Variants in ZNF536 observed in about 807,000 individuals in gnomAD.
ZNF536 encodes zinc finger protein 536.
A neutral mutation model predicts 84.5 loss-of-function variants in ZNF536; 13 were observed. The ratio of observed to expected loss-of-function variants is 0.15; its 90% CI spans 0.10 to 0.24. ZNF536 has a LOEUF of 0.24. Among genes scored for constraint, ZNF536 ranks in the 10% least tolerant of loss-of-function variants. The probability of loss-of-function intolerance (pLI) is 1.00; values close to 1 mark genes in which losing one functional copy is unlikely to be tolerated. For missense variants in ZNF536, 1,536 were observed against 1,747.5 expected, an observed-to-expected ratio of 0.88 and a Z score of 2.16; for synonymous variants, 811 against 742.5, an observed-to-expected ratio of 1.09 and a Z score of -1.50.
chr19:30,634,206 G>C lies in ZNF536; in HGVS notation c.170-76551G>C, dbSNP rs149563738. ...AGGTCCCATTGGCTTAAGGCGCGGT[G>C]CTGGCTTTCTCCGATTGTTGTGCCG... On this transcript the variant is annotated intron_variant, in intron 1 of 1. Transcript: ENST00000592773. Among the ~76,000 whole-genome samples, 754 of 152,278 alleles carry C rather than the reference G, an allele frequency of 5.0e-3. 1 individual carries two copies. Among genetic ancestry groups the C allele is most frequent in the Non-Finnish European group, 7.2e-3 (491 of 68,028 alleles).
intron 2 of ZNF536, among the ~76,000 whole-genome samples, chr19:30,511,866 GC>G (rs1222448989): frequency 1.3e-5 from 2 of 152,060 alleles, no homozygotes; most frequent in Admixed American, 1.3e-4. Flanking sequence ...ATTAAACAAA[GC>G]TTTTAGAGGG....
intron 1 of ZNF536, among the ~76,000 whole-genome samples, chr19:30,282,398 C>T (rs1244497117): frequency 7.4e-6 from 1 of 135,708 alleles, no homozygotes; most frequent in Non-Finnish European, 1.8e-5. Context: ...GTGCCCATCA[C>T]TGCCCCGGTG....
At chr19:30,460,607 A>T (rs1568454057) in intron 2 of ZNF536, among the ~76,000 whole-genome samples, 1 of 152,128 alleles carries the variant, frequency 6.6e-6, no homozygotes, top group Non-Finnish European at 1.5e-5. Flanking sequence ...ACTGAGTCTC[A>T]TCTCAGCTAG....
chr19:30,677,403 C>T (rs1445502083), intron 1 of ZNF536, among the ~76,000 whole-genome samples: 2 of 152,250 alleles, frequency 1.3e-5, no homozygotes, highest in Non-Finnish European at 2.9e-5. Context: ...GCTATTGATG[C>T]ATCTGCAGAG....
intron 3 of ZNF536, among the ~76,000 whole-genome samples, chr19:30,546,216 C>T (rs1218573432): frequency 1.3e-5 from 2 of 152,212 alleles, no homozygotes; most frequent in African/African-American, 4.8e-5. Flanking sequence ...CTGAGTCTAA[C>T]CTGGGACTGA....
intron 2 of ZNF536, among the ~76,000 whole-genome samples, chr19:30,496,198 C>T (rs1468068264): frequency 1.3e-5 from 2 of 152,074 alleles, no homozygotes; most frequent in African/African-American, 4.8e-5. Context: ...ATGCAATGAT[C>T]CTGGGCCATC....
At chr19:30,598,142 G>C (rs2047534050) in intron 1 of ZNF536, among the ~76,000 whole-genome samples, 1 of 152,178 alleles carries the variant, frequency 6.6e-6, no homozygotes, top group African/African-American at 2.4e-5. Flanking sequence ...GAAGAATAAA[G>C]GAGGGCCCTG....
intron 1 of ZNF536, among the ~76,000 whole-genome samples, chr19:30,433,180 T>G (rs749971466): frequency 2.0e-5 from 3 of 152,204 alleles, no homozygotes; most frequent in Admixed American, 1.3e-4. Flanking sequence ...CTCTACCTGG[T>G]GACCTCCTCA....
At chr19:30,261,938 T>G (rs141804775) in intron 1 of ZNF536, among the ~76,000 whole-genome samples, 141 of 151,844 alleles carry the variant, frequency 9.3e-4, no homozygotes, top group African/African-American at 3.3e-3. Flanking sequence ...TCCTGGTGAG[T>G]GTTTTATTGA....
At chr19:30,282,110 A>T (rs1203980011) in intron 1 of ZNF536, among the ~76,000 whole-genome samples, 1 of 152,114 alleles carries the variant, frequency 6.6e-6, no homozygotes, top group African/African-American at 2.4e-5. Context: ...CCTTTCCCCG[A>T]CCCGCAGTGA....
At chr19:30,507,319 C>A (rs2055216199) in intron 2 of ZNF536, among the ~76,000 whole-genome samples, 1 of 152,064 alleles carries the variant, frequency 6.6e-6, no homozygotes, top group South Asian at 2.1e-4. Flanking sequence ...CCACTGCACT[C>A]CAGCCTGGGT....
chr19:30,553,122 C>G (rs148831445), intron 4 of ZNF536, among the ~76,000 whole-genome samples: 1,651 of 152,234 alleles, frequency 0.011, 16 homozygotes, highest in Middle Eastern at 0.041. Context: ...TTGGATATGC[C>G]CTTGGTTTTA....
chr19:30,690,416 A>G (rs940664287), intron 1 of ZNF536, among the ~76,000 whole-genome samples: 15 of 152,192 alleles, frequency 9.9e-5, no homozygotes, highest in African/African-American at 3.4e-4. Flanking sequence ...TTGGTAAGGA[A>G]GCCTCATTTA....
chr19:30,633,247 A>T (rs551689934), intron 1 of ZNF536, among the ~76,000 whole-genome samples: 4 of 152,198 alleles, frequency 2.6e-5, no homozygotes, highest in Non-Finnish European at 5.9e-5. Context: ...ATAGCTCAGG[A>T]TGTCGATATT....
chr19:30,365,714 C>A (rs1304556300), intron 3 of ZNF536, among the ~76,000 whole-genome samples: 3 of 152,298 alleles, frequency 2.0e-5, no homozygotes, highest in Non-Finnish European at 4.4e-5. Flanking sequence ...CTAAGCTGGC[C>A]ACTTCCAGCA....
intron 1 of ZNF536, among the ~76,000 whole-genome samples, chr19:30,666,063 C>A (rs1185916732): frequency 6.6e-6 from 1 of 152,196 alleles, no homozygotes; most frequent in East Asian, 1.9e-4. Context: ...CACCTAGGTA[C>A]CCATGAAGAT....
intron 1 of ZNF536, among the ~76,000 whole-genome samples, chr19:30,680,642 C>T (rs1160094269): frequency 2.0e-5 from 3 of 152,032 alleles, no homozygotes; most frequent in Non-Finnish European, 4.4e-5. Flanking sequence ...TTTCTTAATC[C>T]AGTCTATCAT....
At chr19:30,499,131 T>C (rs2054844756) in intron 2 of ZNF536, among the ~76,000 whole-genome samples, 1 of 152,136 alleles carries the variant, frequency 6.6e-6, no homozygotes, top group Non-Finnish European at 1.5e-5. Flanking sequence ...TTGCTTGATA[T>C]ATTTAAAGAC....
rs1382762009 is a variant in ZNF536 at position 30,646,229 on chromosome 19, C to G, written c.170-64528C>G. Among the ~76,000 whole-genome samples the G allele has an allele frequency of 1.3e-5, 2 of 152,178 alleles. 1 individual carries two copies. The highest frequency in any genetic ancestry group is 4.1e-4 in the South Asian group (2 of 4,822). ...TATTACCGTAATGTGACTAAGGGGG[C>G]CTTTCCCCCTGTCATGTGCCTCCCC... On this transcript the variant is annotated intron_variant, in intron 1 of 1. Transcript: ENST00000592773.
Sources: allele counts gnomAD v4.1 joint callset (sites outside exome capture counted in the v4.1 genomes callset), GRCh38; gene constraint gnomAD v4.1.1; transcripts MANE v1.5; gene names NCBI Gene and HGNC (gene_info 2026-07-23, HGNC 2026-07-21).